ADGRD2: variants seen among roughly 807,000 people sequenced by gnomAD.
The protein encoded by ADGRD2 is adhesion G protein-coupled receptor D2.
A neutral mutation model predicts 44.4 loss-of-function variants in ADGRD2; 71 were observed. That is an observed-to-expected ratio of 1.60 (90% CI 1.32 to 1.95). The LOEUF is 1.95. ADGRD2 is among the 30% of genes most tolerant of loss of function. ADGRD2 has a pLI of 0.00. For missense variants in ADGRD2, 1,039 were observed against 512.4 expected (o/e 2.03, Z -9.92); for synonymous variants, 481 against 224.8 (o/e 2.14, Z -10.19).
intron 10 of ADGRD2, among the ~76,000 whole-genome samples, chr9:124,464,165 T>C (rs1177484869): frequency 6.6e-6 from 1 of 151,926 alleles, no homozygotes; most frequent in Non-Finnish European, 1.5e-5. Context: ...ATTATATTTA[T>C]ATACTAATAA....
chr9:124,475,645 G>T, intron 19 of ADGRD2, 30 bp downstream of exon 22: 1 of 624,196 alleles, frequency 1.6e-6, no homozygotes, highest in South Asian at 1.9e-5. Context: ...TGTGGGTGGG[G>T]GCGGGAGGCC....
chr9:124,458,325 C>T lies in ADGRD2; in HGVS notation c.1764+89C>T, dbSNP rs58665806. 5,856 of 679,584 alleles carry T rather than the reference C, an allele frequency of 8.6e-3. 239 individuals carry two copies. The African/African-American group carries it at 0.092, about 11-fold the overall frequency. The allele number at this position is 679,584 out of a possible 1,614,324, so 42.1% of individuals were successfully genotyped here. ...CCCCGTTCTGGTGGGCGCATGTGTC[C>T]TTAGCAGCCCAGGGCCCACCCTTTC... On this transcript the variant is annotated intron_variant, in intron 9 of 21. Coordinates refer to ENST00000334810, the Ensembl canonical transcript of ADGRD2.
chr9:124,459,896 A>G (rs762700764), intron 10 of ADGRD2, among the ~76,000 whole-genome samples: 4 of 152,186 alleles, frequency 2.6e-5, no homozygotes, highest in Non-Finnish European at 5.9e-5. Flanking sequence ...ATAGGGACCA[A>G]GTGTGCAATG....
chr9:124,468,635 G>A (rs769646909), exon 14 of ADGRD2: 18 of 717,990 alleles, frequency 2.5e-5, no homozygotes, highest in East Asian at 2.1e-4. Context: ...GCATGCACCC[G>A]GGCCCAGGCA....
intron 10 of ADGRD2, among the ~76,000 whole-genome samples, chr9:124,462,463 T>C (rs1187600438): frequency 6.6e-6 from 1 of 152,216 alleles, no homozygotes; most frequent in Non-Finnish European, 1.5e-5. Flanking sequence ...GAAAACCTAC[T>C]AGTATTTTCA....
In ADGRD2 at chr9:124,457,617, A is replaced by T; in HGVS notation, c.1640+11A>T. 3.2e-6 allele frequency: 2 copies of T among 623,430 alleles called. No homozygotes were observed. Among genetic ancestry groups the T allele is most frequent in the Non-Finnish European group, 5.9e-6 (2 of 341,346 alleles). The allele number at this position is 623,430 out of a possible 1,614,324, so 38.6% of individuals were successfully genotyped here. A position where few individuals can be genotyped will look rare whatever the true frequency, so the allele number is the denominator to read the frequency against. ...GACTCCTCAGGAAAGGTGGGTGAGG[A>T]TGAGGGGGTGTCCAGAGCCCTGTTG... On this transcript the variant is annotated intron_variant, in intron 8 of 21. Coordinates refer to ENST00000334810, the Ensembl canonical transcript of ADGRD2.
chr9:124,473,560 T>C (rs1831990866), intron 17 of ADGRD2, among the ~76,000 whole-genome samples: 1 of 152,232 alleles, frequency 6.6e-6, no homozygotes, highest in South Asian at 2.1e-4. Flanking sequence ...TTTGTTTTGT[T>C]CAGTTGTTCA....
At chr9:124,469,893 A>G (rs1489143130) in intron 16 of ADGRD2, among the ~76,000 whole-genome samples, 1 of 151,778 alleles carries the variant, frequency 6.6e-6, no homozygotes, top group African/African-American at 2.4e-5. Flanking sequence ...GAGACCCTCA[A>G]ATCAGGGTTA....
At position 124,477,004 on chromosome 9, in the gene ADGRD2, C is replaced by T. The variant is rs114553847; in HGVS notation, c.*18+295C>T. ...CCTCCCCTCTCTCTGCCCAGGGGGG[C>T]GCTGCCAAGGAGCACAGCCTGCCTT... On this transcript the variant is annotated intron_variant, in intron 21 of 21. Coordinates refer to ENST00000334810, the Ensembl canonical transcript of ADGRD2. 1,216 of 653,920 alleles carry T rather than the reference C, an allele frequency of 1.9e-3. 15 individuals carry two copies. The highest frequency in any genetic ancestry group is 0.015 in the South Asian group (962 of 66,166). 40.5% of individuals were successfully genotyped at this position (653,920 alleles called of 1,614,324 possible). A position where few individuals can be genotyped will look rare whatever the true frequency, so the allele number is the denominator to read the frequency against.
In ADGRD2 at chr9:124,470,615, G is replaced by T. The variant is rs1831930396; in HGVS notation, c.2758+1G>T. 1 of 704,680 alleles carries T rather than the reference G, an allele frequency of 1.4e-6. No individual in the cohort carries two copies. 43.7% of individuals were successfully genotyped at this position (704,680 alleles called of 1,614,324 possible). A position where few individuals can be genotyped will look rare whatever the true frequency, so the allele number is the denominator to read the frequency against. On this transcript the variant is annotated splice_donor_variant, in intron 17 of 21. Coordinates refer to ENST00000334810, the Ensembl canonical transcript of ADGRD2. LOFTEE classifies it high-confidence loss of function. The stretch of plus-strand genomic sequence containing the variant: ...TGCCGTGGGCCTCAACTCCATCCAG[G>T]TACCTCCAGCCCCAACCTTCTGGGA...
exon 18 of ADGRD2, chr9:124,475,462 T>A (rs1158012670): frequency 1.4e-6 from 1 of 713,554 alleles, no homozygotes. Flanking sequence ...TACATCTTCC[T>A]GGTTTATGCT....
At chr9:124,457,983 G>T (rs1206145476) in intron 8 of ADGRD2, 130 bp from the exon 12 acceptor site, 1 of 636,996 alleles carries the variant, frequency 1.6e-6, no homozygotes, top group Non-Finnish European at 2.9e-6. Context: ...GTGATCTTAG[G>T]GAAGTCAGTT....
intron 6 of ADGRD2, among the ~76,000 whole-genome samples, chr9:124,456,411 A>G (rs1831617342): frequency 6.6e-6 from 1 of 152,160 alleles, no homozygotes; most frequent in African/African-American, 2.4e-5. Flanking sequence ...TGGGAGATAG[A>G]ATTGGATAGG....
At chr9:124,475,346 G>A (rs1832024371) in intron 17 of ADGRD2, 100 bp from the exon 21 acceptor site, 2 of 647,716 alleles carry the variant, frequency 3.1e-6, no homozygotes, top group Admixed American at 2.4e-5. Context: ...CTCTGCAAGT[G>A]TCTCTGCCAC....
exon 3 of ADGRD2, chr9:124,453,563 G>A: frequency 1.4e-6 from 1 of 698,812 alleles, no homozygotes; most frequent in South Asian, 1.5e-5. Flanking sequence ...CAGCTGCACC[G>A]GGCACGGGCC....
intron 10 of ADGRD2, among the ~76,000 whole-genome samples, chr9:124,460,217 T>C (rs1343293294): frequency 2.0e-5 from 3 of 150,424 alleles, no homozygotes; most frequent in Non-Finnish European, 4.4e-5. Context: ...TTTTTTTTTT[T>C]TTGAGACTGA....
upstream of ADGRD2, chr9:124,451,757 C>T (rs950719817): frequency 1.0e-5 from 3 of 300,164 alleles, no homozygotes; most frequent in African/African-American, 6.6e-5. Context: ...GGACTCACAG[C>T]TTCAAGGGTT....
chr9:124,475,383 G>T (rs1426892445), intron 17 of ADGRD2, 63 bp from the exon 21 acceptor site: 3 of 684,798 alleles, frequency 4.4e-6, no homozygotes, highest in Admixed American at 2.2e-5. Context: ...CCCAGGCAAG[G>T]CCAGGCTGTG....
At chr9:124,470,427 C>T (rs1831925129) in intron 16 of ADGRD2, 67 bp from the exon 20 acceptor site, 1 of 677,718 alleles carries the variant, frequency 1.5e-6, no homozygotes, top group Non-Finnish European at 2.7e-6. Context: ...GTGCTGCTCT[C>T]CCTGGAGCCC....
Sources: gnomAD v4.1 joint callset for allele counts (sites outside exome capture counted in the v4.1 genomes callset) on GRCh38, gnomAD v4.1.1 for gene constraint, MANE v1.5 for transcripts, NCBI Gene and HGNC (gene_info 2026-07-23, HGNC 2026-07-21) for gene names.